The following ANKS1B variants were observed in gnomAD, a reference collection of about 807,000 sequenced individuals.
The protein encoded by ANKS1B is ankyrin repeat and sterile alpha motif domain-containing protein 1B.
A neutral mutation model predicts 148.3 loss-of-function variants in ANKS1B; 36 were observed. That is an observed-to-expected ratio of 0.24 (90% CI 0.19 to 0.32). The LOEUF is 0.32. Ranked by LOEUF, ANKS1B falls within the 10% of genes least tolerant of loss-of-function variation. The pLI is 1.00. For missense variants in ANKS1B, 1,157 were observed against 1,542.6 expected, an observed-to-expected ratio of 0.75 and a Z score of 4.19; for synonymous variants, 542 against 560.8, an observed-to-expected ratio of 0.97 and a Z score of 0.47.
chr12:99,904,195 CTTT>C (rs11299342), intron 1 of ANKS1B, among the ~76,000 whole-genome samples: 1 of 145,024 alleles, frequency 6.9e-6, no homozygotes, highest in Non-Finnish European at 1.5e-5. Flanking sequence ...CCTAATAATT[CTTT>C]TTTTTTTTTT....
intron 9 of ANKS1B, among the ~76,000 whole-genome samples, chr12:99,575,135 G>T (rs879584110): frequency 4.6e-5 from 7 of 152,052 alleles, no homozygotes; most frequent in Non-Finnish European, 7.4e-5. Flanking sequence ...CTTAAAGGCA[G>T]CCAGAGAGAA....
chr12:99,133,787 C>T (rs917728129), intron 15 of ANKS1B, among the ~76,000 whole-genome samples: 4 of 152,208 alleles, frequency 2.6e-5, no homozygotes, highest in African/African-American at 7.2e-5. Flanking sequence ...GGCTCTACTT[C>T]ATGCCTCCTT....
At chr12:99,895,350 C>G (rs1394132380) in intron 1 of ANKS1B, among the ~76,000 whole-genome samples, 1 of 150,690 alleles carries the variant, frequency 6.6e-6, no homozygotes, top group Non-Finnish European at 1.5e-5. Flanking sequence ...TACCTAGAGG[C>G]TGAGAAGTCC....
At chr12:99,038,416 C>A (rs2153480902) in intron 17 of ANKS1B, among the ~76,000 whole-genome samples, 1 of 152,310 alleles carries the variant, frequency 6.6e-6, no homozygotes, top group Non-Finnish European at 1.5e-5. Context: ...TCACCTTCTT[C>A]ACCACACCAC....
chr12:99,270,040 A>C (rs1474814748), intron 12 of ANKS1B, among the ~76,000 whole-genome samples: 1 of 152,212 alleles, frequency 6.6e-6, no homozygotes, highest in Non-Finnish European at 1.5e-5. Context: ...CAATATTAAA[A>C]AATTTAACAA....
Position 99,158,494 on chromosome 12 carries a change from G to T in ANKS1B, c.2420-4099C>A, listed in dbSNP as rs368471601. 1.1e-4 allele frequency among the ~76,000 whole-genome samples: 17 copies of T among 152,138 alleles called. No homozygotes were observed. The East Asian group carries it at 3.3e-3, about 29-fold the overall frequency. On this transcript the variant is annotated intron_variant, in intron 14 of 26. Coordinates refer to ENST00000683438, the MANE Select transcript of ANKS1B (RefSeq NM_001352186.2). ...CTTTTAAAAAATAATAATTCTAGGG[G>T]TTTTACTCCCATAATGGCAGTGTGA...
chr12:98,959,731 T>C (rs1013386904), intron 17 of ANKS1B, among the ~76,000 whole-genome samples: 14 of 152,194 alleles, frequency 9.2e-5, no homozygotes, highest in African/African-American at 3.4e-4. Flanking sequence ...GGACTTGCCC[T>C]GGGCCAGAAC....
intron 17 of ANKS1B, among the ~76,000 whole-genome samples, chr12:98,958,686 T>C (rs543912526): frequency 6.6e-6 from 1 of 152,360 alleles, no homozygotes; most frequent in Non-Finnish European, 1.5e-5. Context: ...TATAAAATCA[T>C]TTGAATATAT....
chr12:99,629,795 G>A (rs1309381624), intron 9 of ANKS1B, among the ~76,000 whole-genome samples: 1 of 152,016 alleles, frequency 6.6e-6, no homozygotes, highest in Non-Finnish European at 1.5e-5. Flanking sequence ...CTATAGTTCT[G>A]TCATTATGCT....
intron 14 of ANKS1B, among the ~76,000 whole-genome samples, chr12:99,220,763 A>C (rs17029140): frequency 0.071 from 10,731 of 152,112 alleles, 1,267 homozygotes; most frequent in African/African-American, 0.25. Flanking sequence ...CAGCATTTCT[A>C]ATCAGTGAGG....
chr12:98,888,269 G>A (rs1326677092), intron 17 of ANKS1B, among the ~76,000 whole-genome samples: 1 of 152,166 alleles, frequency 6.6e-6, no homozygotes, highest in Non-Finnish European at 1.5e-5. Context: ...GTATTTTCCT[G>A]TGTTTTTAAA....
At chr12:99,272,516 G>C (rs2077162070) in intron 12 of ANKS1B, among the ~76,000 whole-genome samples, 1 of 152,046 alleles carries the variant, frequency 6.6e-6, no homozygotes, top group African/African-American at 2.4e-5. Flanking sequence ...AGGATAATTG[G>C]GATATCCATC....
chr12:98,823,223 C>G (rs1053681877), intron 19 of ANKS1B, among the ~76,000 whole-genome samples: 1 of 152,158 alleles, frequency 6.6e-6, no homozygotes, highest in South Asian at 2.1e-4. Context: ...GACGAGCTGT[C>G]AAATCGGAAG....
intron 12 of ANKS1B, among the ~76,000 whole-genome samples, chr12:99,272,074 A>G (rs939474987): frequency 1.3e-5 from 2 of 152,154 alleles, no homozygotes; most frequent in Non-Finnish European, 2.9e-5. Flanking sequence ...GGGCCAGGGC[A>G]AACTGCTAGT....
intron 17 of ANKS1B, among the ~76,000 whole-genome samples, chr12:98,864,129 C>CTT (rs35024278): frequency 2.1e-5 from 3 of 140,328 alleles, no homozygotes; most frequent in African/African-American, 5.2e-5. Context: ...GTCTGTGATG[C>CTT]TTTTTTTTTT....
Position 98,745,734 on chromosome 12 carries a change from G to T in ANKS1B, c.*5C>A. On this transcript the variant is annotated 3_prime_UTR_variant, in exon 27 of 27. Coordinates refer to ENST00000683438, the MANE Select transcript of ANKS1B (RefSeq NM_001352186.2). ...GGCACCGCGAGGACAGGAGGACGGC[G>T]AGTATCAGAAAATCGTGGTTTCATA... 6.2e-7 allele frequency: 1 copy of T among 1,613,404 alleles called. No individual in the cohort carries two copies. The highest frequency in any genetic ancestry group is 8.5e-7 in the Non-Finnish European group (1 of 1,179,580).
At chr12:99,884,583 A>G (rs1313469399) in intron 1 of ANKS1B, among the ~76,000 whole-genome samples, 4 of 152,250 alleles carry the variant, frequency 2.6e-5, no homozygotes, top group Non-Finnish European at 5.9e-5. Context: ...AACTATTGAT[A>G]CACACAACAA....
At chr12:99,533,043 G>T (rs2153096373) in intron 9 of ANKS1B, among the ~76,000 whole-genome samples, 1 of 152,204 alleles carries the variant, frequency 6.6e-6, no homozygotes, top group South Asian at 2.1e-4. Flanking sequence ...TTTTTGGATT[G>T]TTTCTTCTAA....
At chr12:99,335,001 T>C (rs1229620671) in intron 12 of ANKS1B, among the ~76,000 whole-genome samples, 1 of 152,082 alleles carries the variant, frequency 6.6e-6, no homozygotes, top group Non-Finnish European at 1.5e-5. Flanking sequence ...AGGTTTCAAT[T>C]CACAAAACAC....
Sources: gnomAD v4.1 joint callset for allele counts (sites outside exome capture counted in the v4.1 genomes callset) on GRCh38, gnomAD v4.1.1 for gene constraint, MANE v1.5 for transcripts, NCBI Gene and HGNC (gene_info 2026-07-23, HGNC 2026-07-21) for gene names.